The following LRRC9 variants were observed in gnomAD, a reference collection of about 807,000 sequenced individuals.
LRRC9 encodes the protein leucine-rich repeat-containing protein 9.
LRRC9 carries 122 observed loss-of-function variants against 63.2 expected under a neutral mutation model. The observed-to-expected ratio is 1.93, with a 90% confidence interval of 1.67 to 2.24. LRRC9 has a LOEUF of 2.24. LRRC9 is among the 30% of genes most tolerant of loss of function. The pLI is 0.00. For synonymous variants in LRRC9, 366 were observed against 213.1 expected (o/e 1.72, Z -6.25); for missense variants, 1,071 against 627.7 (o/e 1.71, Z -7.55).
rs868696673 is a variant in LRRC9 at position 60,019,191 on chromosome 14, G to A, written c.3497G>A (p.Ser1166Asn). ...CTAAAGCCTCAGACTCACTTAACCA[G>A]TAGACAACTACTGTACCAGAAAGTG... The change falls in exon 26 of 32, where the codon AGT becomes AAT. Residue 1166 changes from serine to asparagine, a missense_variant. Physicochemically the swap from Ser to Asn is conservative, Grantham distance 46 (BLOSUM62 1). Coordinates refer to ENST00000445360, the Ensembl canonical transcript of LRRC9. The A allele has an allele frequency of 7.6e-5, 53 of 700,060 alleles. No homozygotes were observed. In the African/African-American group the frequency reaches 7.9e-4, roughly 10 times the overall value. The allele number at this position is 700,060 out of a possible 1,614,324, so 43.4% of individuals were successfully genotyped here.
chr14:59,988,766 A>G (rs1037449534), intron 17 of LRRC9, among the ~76,000 whole-genome samples: 1 of 152,122 alleles, frequency 6.6e-6, no homozygotes, highest in Non-Finnish European at 1.5e-5. Context: ...TTTACTTCTC[A>G]TCACCAGTCT....
exon 18 of LRRC9, chr14:59,997,671 T>C (rs1465489015): frequency 1.4e-6 from 1 of 696,808 alleles, no homozygotes; most frequent in Non-Finnish European, 2.6e-6. Flanking sequence ...CCTTGAATAT[T>C]TGGATGCAAG....
intron 6 of LRRC9, among the ~76,000 whole-genome samples, chr14:59,934,766 C>T (rs1201543203): frequency 1.3e-5 from 2 of 152,238 alleles, no homozygotes; most frequent in East Asian, 1.9e-4. Flanking sequence ...TTCTAATTAT[C>T]AGGCTGGTAA....
intron 29 of LRRC9, among the ~76,000 whole-genome samples, chr14:60,050,599 T>C (rs1310341708): frequency 1.3e-5 from 2 of 152,240 alleles, no homozygotes; most frequent in African/African-American, 4.8e-5. Context: ...TGCCCTGTTC[T>C]GTGCCCTTGC....
At position 59,938,938 on chromosome 14, in the gene LRRC9, T is replaced by TACAC; in HGVS notation, c.726+369_726+370insCACA. Among the ~76,000 whole-genome samples the TACAC allele has an allele frequency of 1.8e-5, 2 of 111,456 alleles. No individual in the cohort carries two copies. The highest frequency in any genetic ancestry group is 7.5e-5 in the African/African-American group (2 of 26,766). 73.1% of individuals were successfully genotyped at this position (111,456 alleles called of 152,430 possible). On this transcript the variant is annotated intron_variant, in intron 7 of 31. Coordinates refer to ENST00000445360, the Ensembl canonical transcript of LRRC9. The surrounding 1 kb of genome is among the most constrained non-coding windows in gnomAD (Gnocchi z 4.2). ...ACATATGCATATATATACACATATA[T>TACAC]ACATATACATACATATATACACACA...
At chr14:60,021,181 C>T (rs1461134445) in intron 26 of LRRC9, among the ~76,000 whole-genome samples, 1 of 151,864 alleles carries the variant, frequency 6.6e-6, no homozygotes, top group East Asian at 1.9e-4. Flanking sequence ...TATAGTATAG[C>T]CATTCTAATA....
intron 3 of LRRC9, among the ~76,000 whole-genome samples, chr14:59,929,340 A>G (rs1889487342): frequency 6.6e-6 from 1 of 152,186 alleles, no homozygotes; most frequent in Admixed American, 6.6e-5. Flanking sequence ...ATAACTGATC[A>G]TTAGAGAAAT....
intron 28 of LRRC9, among the ~76,000 whole-genome samples, chr14:60,028,515 G>A (rs1277486725): frequency 6.6e-6 from 1 of 151,958 alleles, no homozygotes; most frequent in Non-Finnish European, 1.5e-5. Flanking sequence ...CTTTGACTTG[G>A]CTTAATATTT....
intron 23 of LRRC9, among the ~76,000 whole-genome samples, chr14:60,009,351 C>A (rs143648318): frequency 2.7e-4 from 41 of 152,210 alleles, no homozygotes; most frequent in African/African-American, 8.9e-4. Flanking sequence ...ACAAAGGAAG[C>A]GTAAAGTCAT....
chr14:60,042,265 T>C lies in LRRC9; in HGVS notation c.3990+10202T>C, dbSNP rs1001805920. Among the ~76,000 whole-genome samples the C allele has an allele frequency of 6.6e-6, 1 of 152,222 alleles. No homozygotes were observed. The highest frequency in any genetic ancestry group is 2.4e-5 in the African/African-American group (1 of 41,456). ...AACTCCATGCTGGGAGAAGCACTAC[T>C]CTCTTCAAAGCTGTCAGATAGGGAC... On this transcript the variant is annotated intron_variant, in intron 29 of 31. Coordinates refer to ENST00000445360, the Ensembl canonical transcript of LRRC9. This position sits in a 1 kb window ranked among gnomAD's most constrained non-coding sequence, Gnocchi z 4.2.
At chr14:60,050,532 G>T (rs1595114005) in intron 29 of LRRC9, among the ~76,000 whole-genome samples, 1 of 152,132 alleles carries the variant, frequency 6.6e-6, no homozygotes, top group African/African-American at 2.4e-5. Context: ...GCTCAGCGAA[G>T]TTCGTTATTA....
chr14:59,997,780 T>G, exon 18 of LRRC9: 1 of 702,276 alleles, frequency 1.4e-6, no homozygotes, highest in South Asian at 1.5e-5. Flanking sequence ...GGCAATGAAA[T>G]AAATATGTTA....
Position 59,966,926 on chromosome 14 carries a change from T to C in LRRC9, c.1388+161T>C, listed in dbSNP as rs1298703154. 6.6e-6 allele frequency among the ~76,000 whole-genome samples: 1 copy of C among 152,192 alleles called. No homozygotes were observed. Among genetic ancestry groups the C allele is most frequent in the Non-Finnish European group, 1.5e-5 (1 of 68,042 alleles). On this transcript the variant is annotated intron_variant, in intron 11 of 31. Coordinates refer to ENST00000445360, the Ensembl canonical transcript of LRRC9. The surrounding 1 kb of genome is among the most constrained non-coding windows in gnomAD (Gnocchi z 4.0). Reference sequence around the variant, plus strand: ...ATGGCCAGGATGACCTCATAATTTATCCACATTGAGCCTGTTTTTGAGGTT... The same window carrying C: ...ATGGCCAGGATGACCTCATAATTTACCCACATTGAGCCTGTTTTTGAGGTT...
chr14:60,015,310 C>T (rs1423485382), intron 23 of LRRC9, among the ~76,000 whole-genome samples: 2 of 152,150 alleles, frequency 1.3e-5, no homozygotes, highest in East Asian at 1.9e-4. Flanking sequence ...CGTCTTTTCA[C>T]ATTCAAGTTG....
intron 15 of LRRC9, 53 bp downstream of exon 15, chr14:59,978,185 C>G (rs1386801457): frequency 2.9e-6 from 2 of 688,902 alleles, no homozygotes. Flanking sequence ...TAAATGGGAA[C>G]AAAGTAGTAA....
In LRRC9 at chr14:59,936,587, T is replaced by C. The variant is rs971039994; in HGVS notation, c.544-1803T>C. 6.6e-6 allele frequency among the ~76,000 whole-genome samples: 1 copy of C among 152,192 alleles called. No individual in the cohort carries two copies. Among genetic ancestry groups the C allele is most frequent in the Non-Finnish European group, 1.5e-5 (1 of 68,026 alleles). ...GAGTTTATACCCACCATCTGCTAGC[T>C]CAGACTAATGGTCAAATGAAACATA... is the stretch of plus-strand genomic sequence containing the variant. On this transcript the variant is annotated intron_variant, in intron 6 of 31. Coordinates refer to ENST00000445360, the Ensembl canonical transcript of LRRC9. The surrounding 1 kb of genome is among the most constrained non-coding windows in gnomAD (Gnocchi z 4.2).
At chr14:59,946,377 A>G (rs1410179355) in intron 8 of LRRC9, among the ~76,000 whole-genome samples, 1 of 151,266 alleles carries the variant, frequency 6.6e-6, no homozygotes, top group Non-Finnish European at 1.5e-5. Context: ...ATCATTTTAT[A>G]TCTGCTATTT....
chr14:60,017,636 GCA>G lies in LRRC9; in HGVS notation c.3318-733_3318-732del, dbSNP rs1318687713. On this transcript the variant is annotated intron_variant, in intron 24 of 31. Transcript: ENST00000445360. This position sits in a 1 kb window ranked among gnomAD's most constrained non-coding sequence, Gnocchi z 4.0. Reference sequence around the variant, plus strand: ...TGTAGCCTTTCCAAACACATCCGCTGCACTTAGGAAATACTAATGGAAATATG... The same window carrying G: ...TGTAGCCTTTCCAAACACATCCGCTGCTTAGGAAATACTAATGGAAATATG... Among the ~76,000 whole-genome samples the G allele has an allele frequency of 4.6e-5, 7 of 152,018 alleles. No homozygotes were observed. Among genetic ancestry groups the G allele is most frequent in the Admixed American group, 3.9e-4 (6 of 15,232 alleles).
At chr14:59,987,174 C>T (rs1230305408) in intron 17 of LRRC9, among the ~76,000 whole-genome samples, 2 of 152,170 alleles carry the variant, frequency 1.3e-5, no homozygotes, top group Admixed American at 1.3e-4. Flanking sequence ...GCCTTCCTCT[C>T]TCCACAAGAA....
Sources: gnomAD v4.1 joint callset for allele counts (sites outside exome capture counted in the v4.1 genomes callset) on GRCh38, gnomAD v4.1.1 for gene constraint, Gnocchi (gnomAD v3.1) non-coding constraint, MANE v1.5 for transcripts, NCBI Gene and HGNC (gene_info 2026-07-23, HGNC 2026-07-21) for gene names.